TCF12: variants seen among roughly 807,000 people sequenced by gnomAD.
TCF12 encodes the protein DNA-binding protein HTF4.
In TCF12, 45 loss-of-function variants were observed where a neutral mutation model predicts 86.0. The observed-to-expected ratio is 0.52, with a 90% CI of 0.41 to 0.67. The LOEUF (loss-of-function observed/expected upper bound fraction) is 0.67. Ranked by LOEUF, TCF12 falls within the 30% of genes least tolerant of loss-of-function variation. The probability of loss-of-function intolerance (pLI) is 0.00; values close to 1 mark genes in which losing one functional copy is unlikely to be tolerated. For synonymous variants in TCF12, 330 were observed against 299.6 expected, an observed-to-expected ratio of 1.10 and a Z score of -1.05; for missense variants, 881 against 859.9, an observed-to-expected ratio of 1.02 and a Z score of -0.31.
intron 6 of TCF12, among the ~76,000 whole-genome samples, chr15:57,189,432 A>G (rs2056863185): frequency 6.6e-6 from 1 of 152,216 alleles, no homozygotes; most frequent in African/African-American, 2.4e-5. Flanking sequence ...AAAGGACTTG[A>G]CTAGACATTC....
intron 3 of TCF12, among the ~76,000 whole-genome samples, chr15:57,035,368 A>G (rs1326662572): frequency 6.6e-6 from 1 of 152,150 alleles, no homozygotes; most frequent in African/African-American, 2.4e-5. Context: ...GGCTCAAGCA[A>G]TTCTTTTGCA....
At chr15:57,000,752 T>C (rs1195646089) in intron 3 of TCF12, among the ~76,000 whole-genome samples, 1 of 152,132 alleles carries the variant, frequency 6.6e-6, no homozygotes, top group Non-Finnish European at 1.5e-5. Flanking sequence ...TGCCTCCTTA[T>C]TAATGATTTC....
intron 5 of TCF12, among the ~76,000 whole-genome samples, chr15:57,158,187 TC>T (rs767916679): frequency 0.011 from 1,589 of 148,786 alleles, 53 homozygotes; most frequent in African/African-American, 0.027. Flanking sequence ...GAAAGTCGTT[TC>T]TTTTTTTTTT....
chr15:56,925,410 T>C (rs58099420), intron 3 of TCF12, among the ~76,000 whole-genome samples: 6,300 of 152,272 alleles, frequency 0.041, 418 homozygotes, highest in African/African-American at 0.14. Flanking sequence ...CAAGTTTCTG[T>C]CTTCAAGGTA....
intron 18 of TCF12, among the ~76,000 whole-genome samples, chr15:57,263,645 G>C (rs181872789): frequency 4.6e-5 from 7 of 152,112 alleles, no homozygotes; most frequent in African/African-American, 1.7e-4. Flanking sequence ...ATATGGTCAG[G>C]TGTCACTTAA....
At chr15:57,084,681 A>G (rs2048514286) in intron 4 of TCF12, among the ~76,000 whole-genome samples, 1 of 152,152 alleles carries the variant, frequency 6.6e-6, no homozygotes, top group African/African-American at 2.4e-5. Context: ...GCAAAAGACT[A>G]GCTTTTAAAA....
chr15:57,152,180 A>G (rs1190635587), intron 5 of TCF12, among the ~76,000 whole-genome samples: 1 of 152,220 alleles, frequency 6.6e-6, no homozygotes, highest in East Asian at 1.9e-4. Flanking sequence ...AAGTCCTTAT[A>G]TGGAAAGAGG....
intron 5 of TCF12, among the ~76,000 whole-genome samples, chr15:57,133,623 T>TG (rs1555514018): frequency 4.0e-5 from 4 of 100,290 alleles, no homozygotes; most frequent in African/African-American, 6.1e-5. Flanking sequence ...TGCAGTAATG[T>TG]GTTTTTTTTT....
At chr15:57,188,302 A>G (rs1181984643) in intron 6 of TCF12, among the ~76,000 whole-genome samples, 1 of 152,216 alleles carries the variant, frequency 6.6e-6, no homozygotes, top group Non-Finnish European at 1.5e-5. Flanking sequence ...AAACTACAAA[A>G]CACTGCCAGA....
At chr15:57,272,404 TAA>T (rs1366987244) in intron 18 of TCF12, among the ~76,000 whole-genome samples, 1 of 152,230 alleles carries the variant, frequency 6.6e-6, no homozygotes, top group Non-Finnish European at 1.5e-5. Context: ...CCACTGATGA[TAA>T]TTTATCTCTA....
At chr15:57,170,640 ATAATATATATATT>A in intron 6 of TCF12, among the ~76,000 whole-genome samples, 1 of 32,050 alleles carries the variant, frequency 3.1e-5, no homozygotes, top group Non-Finnish European at 4.3e-5. Flanking sequence ...ATATATATAT[ATAATATATATATT>A]ATATAAAATA....
chr15:57,234,809 A>G (rs2059313569), intron 12 of TCF12, among the ~76,000 whole-genome samples: 1 of 152,338 alleles, frequency 6.6e-6, no homozygotes, highest in South Asian at 2.1e-4. Flanking sequence ...TAAAAGGGGC[A>G]CTTGTGCTTT....
At position 57,286,707 on chromosome 15, in the gene TCF12, C is replaced by T. The variant is rs2061946619; in HGVS notation, c.*562C>T. 1 of 455,954 alleles carries T rather than the reference C, an allele frequency of 2.2e-6. No individual in the cohort carries two copies. Among genetic ancestry groups the T allele is most frequent in the Admixed American group, 2.4e-5 (1 of 42,430 alleles). The allele number at this position is 455,954 out of a possible 1,614,324, so 28.2% of individuals were successfully genotyped here. On this transcript the variant is annotated 3_prime_UTR_variant, in exon 21 of 21. Coordinates refer to ENST00000333725, the MANE Select transcript of TCF12 (RefSeq NM_207037.2). Reference sequence around the variant, plus strand: ...AAAGGAAGGGAAAAGTCTTTTGTTGCCCTCTCCTATCCTCTTGCCATATGA... The same window carrying T: ...AAAGGAAGGGAAAAGTCTTTTGTTGTCCTCTCCTATCCTCTTGCCATATGA...
At chr15:57,026,078 A>G (rs1187959182) in intron 3 of TCF12, among the ~76,000 whole-genome samples, 6 of 152,252 alleles carry the variant, frequency 3.9e-5, no homozygotes, top group Non-Finnish European at 8.8e-5. Flanking sequence ...GTGTTCCTCT[A>G]GAACAGAGAT....
chr15:57,086,726 G>C (rs1324318755), intron 4 of TCF12, among the ~76,000 whole-genome samples: 1 of 127,610 alleles, frequency 7.8e-6, no homozygotes, highest in African/African-American at 3.0e-5. Flanking sequence ...AAAAAAAAAA[G>C]GCCATTGAAA....
intron 4 of TCF12, among the ~76,000 whole-genome samples, chr15:57,075,825 TCTC>T (rs1567371053): frequency 3.6e-4 from 29 of 80,704 alleles, no homozygotes; most frequent in African/African-American, 1.0e-3. Context: ...TCTCTCTCTC[TCTC>T]TCTCTCTTTT....
intron 3 of TCF12, among the ~76,000 whole-genome samples, chr15:57,057,692 G>T (rs575626838): frequency 6.6e-6 from 1 of 152,260 alleles, no homozygotes; most frequent in Admixed American, 6.5e-5. Flanking sequence ...AATTCTGAAT[G>T]AGTTGGGAAG....
rs562733827 is a variant in TCF12, at chr15:57,143,956, G to A, written c.326-22446G>A. On this transcript the variant is annotated intron_variant, in intron 5 of 20. Transcript: ENST00000333725. The stretch of plus-strand genomic sequence containing the variant: ...TGGGGAGGGTTTTTTTGACAATTGA[G>A]TTCTTTTAGGAGGCTCTGCTTTTAG... Among the ~76,000 whole-genome samples the A allele has an allele frequency of 1.1e-4, 17 of 152,242 alleles. No individual in the cohort carries two copies. The South Asian group carries it at 3.3e-3, about 30-fold the overall frequency.
At chr15:57,038,285 G>A (rs1596250077) in intron 3 of TCF12, among the ~76,000 whole-genome samples, 1 of 151,926 alleles carries the variant, frequency 6.6e-6, no homozygotes, top group East Asian at 1.9e-4. Flanking sequence ...AAAAATTGCT[G>A]GACATGAGGG....
Sources: gnomAD v4.1 joint callset for allele counts (sites outside exome capture counted in the v4.1 genomes callset) on GRCh38, gnomAD v4.1.1 for gene constraint, MANE v1.5 for transcripts, NCBI Gene and HGNC (gene_info 2026-07-23, HGNC 2026-07-21) for gene names.